NTNG1: variants seen among roughly 807,000 people sequenced by gnomAD.
The protein encoded by NTNG1 is netrin G1.
Under a neutral mutation model 54.0 loss-of-function variants are expected in NTNG1, and 16 were observed. The observed-to-expected ratio is 0.30, with a 90% CI of 0.20 to 0.45. The LOEUF (loss-of-function observed/expected upper bound fraction) is 0.45, where lower values mean the gene tolerates loss of function less well. Ranked by LOEUF, NTNG1 falls within the 20% of genes least tolerant of loss-of-function variation. The pLI, the probability that NTNG1 is intolerant of heterozygous loss-of-function variation, is 1.00. For synonymous variants in NTNG1, 255 were observed against 263.1 expected (o/e 0.97, Z 0.30); for missense variants, 530 against 678.7 (o/e 0.78, Z 2.43).
intron 2 of NTNG1, among the ~76,000 whole-genome samples, chr1:107,320,717 C>T (rs1488311186): frequency 2.2e-5 from 3 of 136,802 alleles, no homozygotes; most frequent in African/African-American, 2.9e-5. Flanking sequence ...AAAATGAAAT[C>T]TTTTTTTTTT....
At chr1:107,397,070 C>T (rs959659871) in intron 4 of NTNG1, among the ~76,000 whole-genome samples, 1 of 152,188 alleles carries the variant, frequency 6.6e-6, no homozygotes, top group Admixed American at 6.5e-5. Context: ...GTCTCCTACC[C>T]CGAATCCTTT....
At chr1:107,333,500 T>C (rs1003996473) in intron 3 of NTNG1, among the ~76,000 whole-genome samples, 1 of 152,046 alleles carries the variant, frequency 6.6e-6, no homozygotes, top group Non-Finnish European at 1.5e-5. Context: ...TTCTATTTTA[T>C]TGAAGACAGA....
At chr1:107,454,302 A>G (rs528067304) in intron 7 of NTNG1, among the ~76,000 whole-genome samples, 1 of 152,264 alleles carries the variant, frequency 6.6e-6, no homozygotes, top group South Asian at 2.1e-4. Context: ...CAGTGAATTT[A>G]TTTCTCAGAA....
At chr1:107,380,658 G>A (rs559548883) in intron 3 of NTNG1, among the ~76,000 whole-genome samples, 2 of 152,092 alleles carry the variant, frequency 1.3e-5, no homozygotes, top group Non-Finnish European at 2.9e-5. Flanking sequence ...TTTCCACAGC[G>A]AGGAGATAGA....
chr1:107,344,308 A>G (rs1669091144), intron 3 of NTNG1, among the ~76,000 whole-genome samples: 1 of 152,170 alleles, frequency 6.6e-6, no homozygotes, highest in Non-Finnish European at 1.5e-5. Flanking sequence ...AGAAATGAAA[A>G]GTTTCTTTGA....
At chr1:107,403,859 A>G (rs770590155) in intron 4 of NTNG1, among the ~76,000 whole-genome samples, 16 of 152,102 alleles carry the variant, frequency 1.1e-4, no homozygotes, top group Non-Finnish European at 2.4e-4. Context: ...CCTCTTCTAT[A>G]AAATGAAAGG....
chr1:107,296,421 C>T (rs900608596), intron 2 of NTNG1, among the ~76,000 whole-genome samples: 4 of 151,604 alleles, frequency 2.6e-5, no homozygotes, highest in Non-Finnish European at 5.9e-5. Flanking sequence ...AAACCTGATT[C>T]GACAATCTAA....
intron 6 of NTNG1, among the ~76,000 whole-genome samples, chr1:107,434,864 T>C (rs1315464776): frequency 1.3e-5 from 2 of 152,166 alleles, no homozygotes; most frequent in Non-Finnish European, 2.9e-5. Context: ...AATGACACTT[T>C]TAAAAAACTG....
intron 2 of NTNG1, among the ~76,000 whole-genome samples, chr1:107,219,111 T>A (rs1210055600): frequency 7.7e-6 from 1 of 130,618 alleles, no homozygotes; most frequent in Non-Finnish European, 1.6e-5. Context: ...TCATTGTTTT[T>A]AAATTTTTTT....
At chr1:107,289,822 A>G (rs929665917) in intron 2 of NTNG1, among the ~76,000 whole-genome samples, 1 of 152,172 alleles carries the variant, frequency 6.6e-6, no homozygotes, top group African/African-American at 2.4e-5. Context: ...CACATTTATT[A>G]TAATGTAATT....
chr1:107,182,435 T>C (rs1657139933), intron 2 of NTNG1, among the ~76,000 whole-genome samples: 1 of 152,186 alleles, frequency 6.6e-6, no homozygotes, highest in Admixed American at 6.6e-5. Flanking sequence ...GATTATACTT[T>C]ATTGTAAACA....
At chr1:107,221,689 ACTTGGGC>A (rs1053644205) in intron 2 of NTNG1, among the ~76,000 whole-genome samples, 42 of 152,302 alleles carry the variant, frequency 2.8e-4, no homozygotes, top group Non-Finnish European at 4.1e-4. Context: ...TCAGCACAGT[ACTTGGGC>A]CGTGGCTGGC....
intron 2 of NTNG1, among the ~76,000 whole-genome samples, chr1:107,190,888 C>T (rs1040463289): frequency 6.6e-6 from 1 of 152,136 alleles, no homozygotes; most frequent in Non-Finnish European, 1.5e-5. Flanking sequence ...TATAAACATA[C>T]ATGTGCATGT....
At chr1:107,232,432 A>G (rs1330717942) in intron 2 of NTNG1, among the ~76,000 whole-genome samples, 1 of 152,148 alleles carries the variant, frequency 6.6e-6, no homozygotes, top group African/African-American at 2.4e-5. Context: ...TTTAACAAAT[A>G]TGCCTTGTGT....
At chr1:107,227,475 T>G (rs1007464483) in intron 2 of NTNG1, among the ~76,000 whole-genome samples, 1 of 152,146 alleles carries the variant, frequency 6.6e-6, no homozygotes, top group African/African-American at 2.4e-5. Flanking sequence ...TACATTTGTG[T>G]GCCTTTATTA....
intron 2 of NTNG1, among the ~76,000 whole-genome samples, chr1:107,260,236 A>G (rs1663221830): frequency 6.6e-6 from 1 of 152,234 alleles, no homozygotes; most frequent in African/African-American, 2.4e-5. Flanking sequence ...CAGATATCCT[A>G]CTTGAACTGA....
intron 2 of NTNG1, among the ~76,000 whole-genome samples, chr1:107,259,288 C>A (rs1663138892): frequency 6.6e-6 from 1 of 152,036 alleles, no homozygotes; most frequent in African/African-American, 2.4e-5. Flanking sequence ...CTGGCTCTTT[C>A]ACACTAAAGT....
chr1:107,219,395 A>G (rs908036449), intron 2 of NTNG1, among the ~76,000 whole-genome samples: 1 of 152,148 alleles, frequency 6.6e-6, no homozygotes, highest in African/African-American at 2.4e-5. Context: ...AATAGTCAAC[A>G]TTCTGAATTC....
At chr1:107,236,125 T>TA (rs1455817596) in intron 2 of NTNG1, among the ~76,000 whole-genome samples, 1 of 151,700 alleles carries the variant, frequency 6.6e-6, no homozygotes, top group African/African-American at 2.4e-5. Flanking sequence ...CTGCAGAAAA[T>TA]AAAAAACAGA....
Sources: allele counts gnomAD v4.1 joint callset (sites outside exome capture counted in the v4.1 genomes callset), GRCh38; gene constraint gnomAD v4.1.1; transcripts MANE v1.5; gene names NCBI Gene and HGNC (gene_info 2026-07-23, HGNC 2026-07-21).